The following EFCAB8 variants were observed in gnomAD, a reference collection of about 807,000 sequenced individuals.
EFCAB8 encodes EF-hand calcium binding domain 8, also known as EF-hand calcium-binding domain-containing protein 8.
Under a neutral mutation model 116.3 loss-of-function variants are expected in EFCAB8, and 100 were observed. That is an observed-to-expected ratio of 0.86 (90% CI 0.73 to 1.02). The LOEUF is 1.02. Among genes scored for constraint, EFCAB8 ranks in the 50% least tolerant of loss-of-function variants. The pLI is 0.00. For synonymous variants in EFCAB8, 558 were observed against 567.9 expected (o/e 0.98, Z 0.25); for missense variants, 1,320 against 1,416.9 (o/e 0.93, Z 1.10).
intron 4 of EFCAB8, among the ~76,000 whole-genome samples, 189 bp from the exon 5 acceptor site, chr20:32,878,508 CTTTTTTT>C (rs1292839813): frequency 8.6e-6 from 1 of 116,652 alleles, no homozygotes. Flanking sequence ...GGCTTGAGTT[CTTTTTTT>C]TTTTTTTTTT....
At chr20:32,923,339 A>T (rs971489194) in intron 20 of EFCAB8, among the ~76,000 whole-genome samples, 2 of 152,098 alleles carry the variant, frequency 1.3e-5, no homozygotes, top group Admixed American at 6.6e-5. Context: ...ACAAAAAATT[A>T]GCCAGGGGTG....
intron 22 of EFCAB8, among the ~76,000 whole-genome samples, chr20:32,933,719 C>T (rs1199105647): frequency 6.6e-6 from 1 of 152,210 alleles, no homozygotes; most frequent in Non-Finnish European, 1.5e-5. Flanking sequence ...TGGCTCAAGC[C>T]TGTAATCCCA....
chr20:32,881,260 G>A (rs755045800), intron 5 of EFCAB8, among the ~76,000 whole-genome samples: 1 of 152,034 alleles, frequency 6.6e-6, no homozygotes, highest in East Asian at 1.9e-4. Context: ...GCAGTGGTGC[G>A]GTCTTAGCTC....
rs1422748143 is a variant in EFCAB8, at chr20:32,903,376, C to T, written c.1089-3186C>T. 3 of 152,418 alleles carry T rather than the reference C, an allele frequency of 2.0e-5. No homozygotes were observed. The East Asian group carries it at 5.8e-4, about 29-fold the overall frequency. 9.4% of individuals were successfully genotyped at this position (152,418 alleles called of 1,614,324 possible). A position where few individuals can be genotyped will look rare whatever the true frequency, so the allele number is the denominator to read the frequency against. Reference sequence around the variant, plus strand: ...TCCGTCAAAGCCATGTGCTTATGTCCCTTGCAGGACTCGCCATGATTTGTA... The same window carrying T: ...TCCGTCAAAGCCATGTGCTTATGTCTCTTGCAGGACTCGCCATGATTTGTA... On this transcript the variant is annotated intron_variant, in intron 11 of 26. Transcript: ENST00000400522.
chr20:32,959,910 C>T lies in EFCAB8; in HGVS notation c.3222C>T (p.Ser1074=), dbSNP rs995794157. The change falls in exon 25 of 27, where the codon TCC becomes TCT. Residue 1074 remains serine (S), a synonymous_variant. Transcript: ENST00000400522. ...AGCTGCAGAAGATGGCCCTGATGTC[C>T]CCGTGGGCCGGAGAGCGCCCCCTGG... ...WAKLQKMALM[S]PWAGERPLED... is the part of the protein sequence containing the mutation. 1 of 1,551,640 alleles carries T rather than the reference C, an allele frequency of 6.4e-7. No homozygotes were observed. The highest frequency in any genetic ancestry group is 8.7e-7 in the Non-Finnish European group (1 of 1,146,968).
chr20:32,960,280 G>A (rs1989108087), intron 26 of EFCAB8, 119 bp downstream of exon 26: 3 of 945,182 alleles, frequency 3.2e-6, no homozygotes, highest in Middle Eastern at 3.2e-4. Flanking sequence ...AGGAGCCTTT[G>A]TCCTTTAACA....
rs150958328 is a variant in EFCAB8 at position 32,903,933 on chromosome 20, C to T, written c.1089-2629C>T. Among the ~76,000 whole-genome samples the T allele has an allele frequency of 6.2e-4, 94 of 152,230 alleles. 1 individual carries two copies. In the East Asian group the frequency reaches 0.017, roughly 28 times the overall value. ...AGGCCCCCCGGGAGTGGTGGAGGAG[C>T]CGGGTCAGGGGTGACTTCAGTGGAG... On this transcript the variant is annotated intron_variant, in intron 11 of 26. Coordinates refer to ENST00000400522, the MANE Select transcript of EFCAB8 (RefSeq NM_001143967.2).
At chr20:32,916,482 C>T (rs559089420) in intron 17 of EFCAB8, among the ~76,000 whole-genome samples, 23 of 152,118 alleles carry the variant, frequency 1.5e-4, no homozygotes, top group African/African-American at 5.3e-4. Flanking sequence ...TGGTCTTGAA[C>T]TCCTGGCCTC....
intron 22 of EFCAB8, among the ~76,000 whole-genome samples, chr20:32,931,769 A>G (rs1315950613): frequency 9.7e-6 from 1 of 102,986 alleles, no homozygotes; most frequent in East Asian, 2.0e-4. Flanking sequence ...AAAAAGAAAA[A>G]GAGTTAGTAT....
intron 4 of EFCAB8, among the ~76,000 whole-genome samples, chr20:32,878,063 C>T (rs554190811): frequency 6.6e-6 from 1 of 152,170 alleles, no homozygotes; most frequent in East Asian, 1.9e-4. Flanking sequence ...CCCAGGAGTT[C>T]GAGACCAGCC....
chr20:32,896,251 T>A (rs1214402040), intron 9 of EFCAB8, among the ~76,000 whole-genome samples: 1 of 152,164 alleles, frequency 6.6e-6, no homozygotes, highest in African/African-American at 2.4e-5. Flanking sequence ...GAGGCAGCAG[T>A]GATCTGCCTG....
intron 5 of EFCAB8, among the ~76,000 whole-genome samples, chr20:32,879,040 G>A (rs1985168201): frequency 6.6e-6 from 1 of 152,240 alleles, no homozygotes; most frequent in Non-Finnish European, 1.5e-5. Context: ...GGTCTGGAGA[G>A]GTCAAATGGC....
At chr20:32,933,953 G>T (rs556498892) in intron 22 of EFCAB8, among the ~76,000 whole-genome samples, 12 of 152,250 alleles carry the variant, frequency 7.9e-5, no homozygotes, top group African/African-American at 2.9e-4. Context: ...CTTCAGCCTG[G>T]GCAACAAAGT....
chr20:32,929,524 A>C (rs1279695112), intron 20 of EFCAB8, among the ~76,000 whole-genome samples: 2 of 122,622 alleles, frequency 1.6e-5, no homozygotes, highest in South Asian at 4.8e-4. Context: ...TTTTCTTTAA[A>C]TAGAGATAGG....
chr20:32,877,207 C>CTTTTTTTTTTTTTTTTTTTTTTTT (rs757130907), intron 4 of EFCAB8, among the ~76,000 whole-genome samples: 1 of 115,054 alleles, frequency 8.7e-6, no homozygotes, highest in Non-Finnish European at 1.8e-5. Flanking sequence ...TTATTTCTTT[C>CTTTTTTTTTTTTTTTTTTTTTTTT]TTTTTTTTTT....
chr20:32,877,186 C>G (rs1985016981), intron 4 of EFCAB8, among the ~76,000 whole-genome samples: 1 of 137,734 alleles, frequency 7.3e-6, no homozygotes, highest in South Asian at 2.4e-4. Context: ...TCTCAATTTT[C>G]TTGTTTTTAT....
At chr20:32,952,730 T>C (rs1196844262) in intron 23 of EFCAB8, among the ~76,000 whole-genome samples, 10 of 152,238 alleles carry the variant, frequency 6.6e-5, no homozygotes, top group Admixed American at 6.5e-4. Context: ...CCCGTTCATT[T>C]TCCTGATGGC....
intron 23 of EFCAB8, among the ~76,000 whole-genome samples, chr20:32,955,772 C>G (rs1381832526): frequency 6.6e-6 from 1 of 152,132 alleles, no homozygotes; most frequent in South Asian, 2.1e-4. Flanking sequence ...AAGGTCCTGC[C>G]TCACATGTGC....
intron 5 of EFCAB8, among the ~76,000 whole-genome samples, chr20:32,880,383 C>A (rs1213221944): frequency 6.6e-6 from 1 of 152,090 alleles, no homozygotes; most frequent in Non-Finnish European, 1.5e-5. Flanking sequence ...ATTCTCCCGC[C>A]TCAGCGTCCC....
Sources: allele counts gnomAD v4.1 joint callset (sites outside exome capture counted in the v4.1 genomes callset), GRCh38; gene constraint gnomAD v4.1.1; transcripts MANE v1.5; gene names NCBI Gene and HGNC (gene_info 2026-07-23, HGNC 2026-07-21).